Variants in ALCAM observed in about 807,000 individuals in gnomAD.
ALCAM encodes the protein CD166 antigen.
ALCAM carries 30 observed loss-of-function variants against 70.9 expected under a neutral mutation model. The ratio of observed to expected loss-of-function variants is 0.42; its 90% confidence interval spans 0.32 to 0.57. ALCAM has a LOEUF of 0.57. Ranked by LOEUF, ALCAM falls within the 20% of genes least tolerant of loss-of-function variation. The probability of loss-of-function intolerance (pLI) is 0.11; values close to 1 mark genes in which losing one functional copy is unlikely to be tolerated. For missense variants in ALCAM, 591 were observed against 695.1 expected (o/e 0.85, Z 1.68); for synonymous variants, 249 against 242.5 (o/e 1.03, Z -0.25).
At chr3:105,567,404 A>C (rs1020508995) in intron 14 of ALCAM, among the ~76,000 whole-genome samples, 3 of 150,478 alleles carry the variant, frequency 2.0e-5, no homozygotes, top group Non-Finnish European at 4.4e-5. Context: ...GCTCACTATC[A>C]TCTCACAGGC....
At chr3:105,563,609 C>G (rs188228387) in intron 14 of ALCAM, among the ~76,000 whole-genome samples, 14 of 148,234 alleles carry the variant, frequency 9.4e-5, no homozygotes, top group Non-Finnish European at 1.9e-4. Context: ...GTGAATGTTT[C>G]CCTGTGGTTT....
intron 1 of ALCAM, among the ~76,000 whole-genome samples, chr3:105,398,853 A>G (rs1280926165): frequency 1.3e-5 from 2 of 151,824 alleles, no homozygotes; most frequent in African/African-American, 4.8e-5. Context: ...TTCTGCCAAG[A>G]GCAAGAAAAA....
intron 1 of ALCAM, among the ~76,000 whole-genome samples, chr3:105,414,624 T>C (rs1260025717): frequency 1.3e-5 from 2 of 152,110 alleles, no homozygotes; most frequent in Non-Finnish European, 1.5e-5. Flanking sequence ...GCTCAGAGCA[T>C]GTTCAGGGTA....
intron 1 of ALCAM, among the ~76,000 whole-genome samples, chr3:105,462,074 T>C (rs1937611670): frequency 6.6e-6 from 1 of 151,702 alleles, no homozygotes; most frequent in South Asian, 2.1e-4. Flanking sequence ...CAAATAGTTG[T>C]GCCAATATTT....
chr3:105,483,999 T>C (rs1250223871), intron 1 of ALCAM, among the ~76,000 whole-genome samples: 3 of 152,118 alleles, frequency 2.0e-5, no homozygotes, highest in Non-Finnish European at 4.4e-5. Context: ...ATGTTTTTTC[T>C]TTATTTGTAA....
intron 1 of ALCAM, among the ~76,000 whole-genome samples, chr3:105,486,485 AC>A (rs1938431005): frequency 6.6e-6 from 1 of 152,148 alleles, no homozygotes; most frequent in Non-Finnish European, 1.5e-5. Flanking sequence ...CTTAACTGTA[AC>A]TCAGTAATTT....
intron 1 of ALCAM, among the ~76,000 whole-genome samples, chr3:105,377,071 A>C (rs1935396550): frequency 6.6e-6 from 1 of 152,174 alleles, no homozygotes; most frequent in Admixed American, 6.5e-5. Flanking sequence ...TACTTAAAAA[A>C]TAAAGTGGAA....
chr3:105,496,325 A>T (rs900658179), intron 1 of ALCAM, among the ~76,000 whole-genome samples: 5 of 124,394 alleles, frequency 4.0e-5, no homozygotes, highest in African/African-American at 1.6e-4. Flanking sequence ...TCTTAAAGCC[A>T]TTCAGAAAGG....
chr3:105,541,874 T>G (rs998767914), intron 8 of ALCAM, 109 bp downstream of exon 8: 2 of 1,316,954 alleles, frequency 1.5e-6, no homozygotes. Context: ...AATAACTTGG[T>G]TGCAATAGAT....
chr3:105,520,031 C>A (rs780299631), intron 1 of ALCAM, 36 bp from the exon 2 acceptor site: 1 of 1,420,780 alleles, frequency 7.0e-7, no homozygotes, highest in South Asian at 1.3e-5. Context: ...TTCTCTCTCT[C>A]TTTCTCTCTT....
intron 1 of ALCAM, among the ~76,000 whole-genome samples, chr3:105,407,623 G>A (rs1936275366): frequency 6.6e-6 from 1 of 152,102 alleles, no homozygotes; most frequent in Non-Finnish European, 1.5e-5. Context: ...CATACTGAAT[G>A]GGAAAAGTTG....
intron 14 of ALCAM, among the ~76,000 whole-genome samples, chr3:105,563,923 A>G (rs1464194784): frequency 1.3e-5 from 2 of 149,588 alleles, no homozygotes; most frequent in Non-Finnish European, 1.5e-5. Context: ...TCCTGACCTC[A>G]TGATCCACCC....
At chr3:105,532,614 A>G (rs1245113703) in intron 4 of ALCAM, among the ~76,000 whole-genome samples, 1 of 151,980 alleles carries the variant, frequency 6.6e-6, no homozygotes, top group Non-Finnish European at 1.5e-5. Flanking sequence ...GTGTAGAAAA[A>G]ATATATAGAG....
chr3:105,557,423 C>A (rs995552736), intron 14 of ALCAM, among the ~76,000 whole-genome samples: 2 of 152,130 alleles, frequency 1.3e-5, no homozygotes, highest in African/African-American at 4.8e-5. Context: ...GCCCTCTCCT[C>A]TTCTGCTGCA....
intron 1 of ALCAM, among the ~76,000 whole-genome samples, chr3:105,515,831 T>C (rs1170949032): frequency 2.0e-5 from 3 of 152,052 alleles, no homozygotes; most frequent in Non-Finnish European, 4.4e-5. Flanking sequence ...AGCATGTCTG[T>C]CAAAATTAGT....
chr3:105,563,472 T>C (rs1940671230), intron 14 of ALCAM, among the ~76,000 whole-genome samples: 1 of 151,554 alleles, frequency 6.6e-6, no homozygotes, highest in Admixed American at 6.6e-5. Flanking sequence ...TTTCTTGAAA[T>C]AAAAATTTTG....
chr3:105,459,084 T>C (rs546959573), intron 1 of ALCAM, among the ~76,000 whole-genome samples: 1 of 152,288 alleles, frequency 6.6e-6, no homozygotes, highest in Admixed American at 6.5e-5. Flanking sequence ...TTGTCTCCCT[T>C]GCTTCAACTC....
intron 1 of ALCAM, among the ~76,000 whole-genome samples, chr3:105,466,312 C>T (rs1392240869): frequency 6.6e-6 from 1 of 151,390 alleles, no homozygotes; most frequent in Admixed American, 6.6e-5. Flanking sequence ...GCCAGTGTCA[C>T]TACATGCTTA....
At chr3:105,521,138 A>G (rs886350924) in intron 2 of ALCAM, among the ~76,000 whole-genome samples, 4 of 150,784 alleles carry the variant, frequency 2.7e-5, no homozygotes, top group Non-Finnish European at 5.9e-5. Context: ...CGTCTCTACT[A>G]AAAATACAAA....
Sources: allele counts gnomAD v4.1 joint callset (sites outside exome capture counted in the v4.1 genomes callset), GRCh38; gene constraint gnomAD v4.1.1; transcripts MANE v1.5; gene names NCBI Gene and HGNC (gene_info 2026-07-23, HGNC 2026-07-21).